The following AKIRIN1 variants were observed in gnomAD, a reference collection of about 807,000 sequenced individuals.
AKIRIN1 encodes the protein akirin 1, also known as akirin-1.
Under a neutral mutation model 25.9 loss-of-function variants are expected in AKIRIN1, and 4 were observed. That is an observed-to-expected ratio of 0.15 (90% CI 0.08 to 0.35). The LOEUF is 0.35. Among genes scored for constraint, AKIRIN1 ranks in the 10% least tolerant of loss-of-function variants. The pLI is 1.00. For synonymous variants in AKIRIN1, 125 were observed against 105.1 expected, an observed-to-expected ratio of 1.19 and a Z score of -1.16; for missense variants, 243 against 266.1, an observed-to-expected ratio of 0.91 and a Z score of 0.61.
At chr1:38,998,099 T>G in intron 1 of AKIRIN1, 72 bp from the exon 2 acceptor site, 1 of 1,496,294 alleles carries the variant, frequency 6.7e-7, no homozygotes, top group Admixed American at 1.9e-5. Context: ...CTTTGTCTCT[T>G]CCCACTTCTG....
chr1:38,991,712 T>G, intron 1 of AKIRIN1, 112 bp downstream of exon 1: 28 of 1,141,882 alleles, frequency 2.5e-5, no homozygotes, highest in East Asian at 3.3e-5. Flanking sequence ...ACCCCTTCTT[T>G]GCCTTGAGAA....
chr1:38,992,337 G>A (rs1045919839), intron 1 of AKIRIN1, among the ~76,000 whole-genome samples: 1 of 152,140 alleles, frequency 6.6e-6, no homozygotes, highest in Non-Finnish European at 1.5e-5. Context: ...AAGGACTGGC[G>A]TTACAGTAGA....
In AKIRIN1 at chr1:38,998,264, C is replaced by T. The variant is rs781305153; in HGVS notation, c.314C>T (p.Ser105Leu). 1.7e-5 allele frequency: 27 copies of T among 1,613,724 alleles called. No individual in the cohort carries two copies. Among genetic ancestry groups the T allele is most frequent in the Middle Eastern group, 1.6e-4 (1 of 6,084 alleles). Residue 105 changes from serine to leucine, a missense_variant, in exon 2 of 5, where the codon TCG (serine) becomes TTG (leucine). By Grantham distance (145) the Ser-to-Leu change is moderately radical. Coordinates refer to ENST00000432648, the MANE Select transcript of AKIRIN1 (RefSeq NM_024595.3). ...CTTAATCAGAGTGAAGCTTGTGCTT[C>T]GGAAAGTCAACCTCACTCCTCAGCA... ...VVLNQSEACA[S>L]ESQPHSSALT...
rs1644015210 is a variant in AKIRIN1, at chr1:39,004,108, A to G, written c.*53A>G. On this transcript the variant is annotated 3_prime_UTR_variant, in exon 5 of 5. Coordinates refer to ENST00000432648, the MANE Select transcript of AKIRIN1 (RefSeq NM_024595.3). Reference sequence around the variant, plus strand: ...TTTGACCTCAAGAGATGGCTGCTGTACACTTTTTGCAACTGGTTTGATGTC... The same window carrying G: ...TTTGACCTCAAGAGATGGCTGCTGTGCACTTTTTGCAACTGGTTTGATGTC... The G allele has an allele frequency of 2.3e-5, 37 of 1,583,338 alleles. No homozygotes were observed. The highest frequency in any genetic ancestry group is 3.0e-5 in the Non-Finnish European group (35 of 1,152,190).
At chr1:38,994,473 A>AT (rs1434144033) in intron 1 of AKIRIN1, among the ~76,000 whole-genome samples, 1 of 152,112 alleles carries the variant, frequency 6.6e-6, no homozygotes, top group East Asian at 1.9e-4. Flanking sequence ...GAGTCTGAGA[A>AT]TAACTTCTGA....
chr1:38,993,587 C>G lies in AKIRIN1; in HGVS notation c.220+1987C>G, dbSNP rs538793468. 2.5e-3 allele frequency among the ~76,000 whole-genome samples: 371 copies of G among 147,596 alleles called. 3 individuals carry two copies. Among genetic ancestry groups the G allele is most frequent in the Admixed American group, 5.1e-3 (75 of 14,634 alleles). On this transcript the variant is annotated intron_variant, in intron 1 of 4. Transcript: ENST00000432648. ...CAGAGGTTGCAGTGAGCGGAGATCACACCATTGCGCTCCAGCCTGGGCCAC... is the reference window on the plus strand; with the variant it reads ...CAGAGGTTGCAGTGAGCGGAGATCAGACCATTGCGCTCCAGCCTGGGCCAC...
At chr1:39,003,088 G>A (rs922307710) in intron 3 of AKIRIN1, among the ~76,000 whole-genome samples, 1 of 152,150 alleles carries the variant, frequency 6.6e-6, no homozygotes, top group African/African-American at 2.4e-5. Context: ...TTATGTCACG[G>A]GGGAGAGGTT....
chr1:38,996,793 T>C (rs544675487), intron 1 of AKIRIN1, among the ~76,000 whole-genome samples: 1 of 152,296 alleles, frequency 6.6e-6, no homozygotes, highest in South Asian at 2.1e-4. Context: ...CCTCCCAAAG[T>C]GCTGGGATTA....
chr1:39,000,949 A>C (rs984477753), intron 2 of AKIRIN1, 23 bp from the exon 3 acceptor site: 1 of 1,600,854 alleles, frequency 6.2e-7, no homozygotes. Flanking sequence ...ACCTGGCCCA[A>C]ACTCACTTTT....
At chr1:39,001,243 G>A in intron 3 of AKIRIN1, 137 bp downstream of exon 3, 1 of 1,002,242 alleles carries the variant, frequency 1.0e-6, no homozygotes, top group South Asian at 2.1e-5. Flanking sequence ...GTTACTCTTT[G>A]GTGATTGTAA....
intron 3 of AKIRIN1, 34 bp from the exon 4 acceptor site, chr1:39,003,313 T>C (rs775211930): frequency 6.3e-7 from 1 of 1,594,472 alleles, no homozygotes; most frequent in Non-Finnish European, 8.6e-7. Context: ...TGAGGGAGAG[T>C]TGCTGAGGAT....
At chr1:39,000,334 T>C (rs564982575) in intron 2 of AKIRIN1, among the ~76,000 whole-genome samples, 1 of 130,992 alleles carries the variant, frequency 7.6e-6, no homozygotes, top group Non-Finnish European at 1.7e-5. Context: ...GAGAACCTTT[T>C]TTTTCTTTTT....
intron 1 of AKIRIN1, among the ~76,000 whole-genome samples, chr1:38,993,864 A>C (rs1039275051): frequency 1.3e-5 from 2 of 152,036 alleles, no homozygotes; most frequent in African/African-American, 2.4e-5. Flanking sequence ...TGAGGTCGGG[A>C]GTTCAAGACC....
chr1:38,998,437 A>T lies in AKIRIN1; in HGVS notation c.361+126A>T, dbSNP rs183243859. On this transcript the variant is annotated intron_variant, in intron 2 of 4. Transcript: ENST00000432648. ...AACGGGGATGTATTAATATTTACAG[A>T]TATTTTTAAAACTATACAGTCATGA... is the stretch of plus-strand genomic sequence containing the variant. The T allele has an allele frequency of 8.4e-5, 94 of 1,118,904 alleles. No homozygotes were observed. The Middle Eastern group carries it at 1.7e-3, about 20-fold the overall frequency. The allele number at this position is 1,118,904 out of a possible 1,614,324, so 69.3% of individuals were successfully genotyped here.
At position 39,004,524 on chromosome 1, in the gene AKIRIN1, C is replaced by A; in HGVS notation, c.*469C>A. ...TATGGTAAAAAAACATTTGCTTGGTCTAAAGAAGATCATTAATGTTTTGTG... is the reference window on the plus strand; with the variant it reads ...TATGGTAAAAAAACATTTGCTTGGTATAAAGAAGATCATTAATGTTTTGTG... On this transcript the variant is annotated 3_prime_UTR_variant, in exon 5 of 5. Coordinates refer to ENST00000432648, the MANE Select transcript of AKIRIN1 (RefSeq NM_024595.3). The A allele has an allele frequency of 3.9e-6, 1 of 256,358 alleles. No individual in the cohort carries two copies. The highest frequency in any genetic ancestry group is 7.7e-6 in the Non-Finnish European group (1 of 129,638). 15.9% of individuals were successfully genotyped at this position (256,358 alleles called of 1,614,324 possible).
Position 39,004,146 on chromosome 1 carries a change from C to A in AKIRIN1, c.*91C>A. On this transcript the variant is annotated 3_prime_UTR_variant, in exon 5 of 5. Coordinates refer to ENST00000432648, the MANE Select transcript of AKIRIN1 (RefSeq NM_024595.3). ...CTGGTTTGATGTCACATTTCAGCTC[C>A]AACTTTGCATCCTGAGAACACTTAA... 2 of 1,384,536 alleles carry A rather than the reference C, an allele frequency of 1.4e-6. No homozygotes were observed. Among genetic ancestry groups the A allele is most frequent in the Non-Finnish European group, 2.1e-6 (2 of 971,190 alleles). 85.8% of individuals were successfully genotyped at this position (1,384,536 alleles called of 1,614,324 possible).
At chr1:39,003,210 T>G in intron 3 of AKIRIN1, 137 bp from the exon 4 acceptor site, 1 of 782,370 alleles carries the variant, frequency 1.3e-6, no homozygotes, top group South Asian at 1.6e-5. Flanking sequence ...GTCACTGGAC[T>G]TTAATACAAG....
chr1:39,003,899 C>T, intron 4 of AKIRIN1, 146 bp from the exon 5 acceptor site: 1 of 685,030 alleles, frequency 1.5e-6, no homozygotes, highest in Non-Finnish European at 2.5e-6. Context: ...AGTCAGGTTC[C>T]TTAAATTCTT....
In AKIRIN1 at chr1:39,003,332, A is replaced by T; in HGVS notation, c.497-15A>T. 1 of 1,611,184 alleles carries T rather than the reference A, an allele frequency of 6.2e-7. No individual in the cohort carries two copies. Among genetic ancestry groups the T allele is most frequent in the East Asian group, 2.2e-5 (1 of 44,834 alleles). ...GGAGAGTTGCTGAGGATAAGTATGTACTGTCTTCTCACAGAACAATATGAA... is the reference window on the plus strand; with the variant it reads ...GGAGAGTTGCTGAGGATAAGTATGTTCTGTCTTCTCACAGAACAATATGAA... On this transcript the variant is annotated splice_polypyrimidine_tract_variant and intron_variant, in intron 3 of 4. Coordinates refer to ENST00000432648, the MANE Select transcript of AKIRIN1 (RefSeq NM_024595.3).
Sources: gnomAD v4.1 joint callset for allele counts (sites outside exome capture counted in the v4.1 genomes callset) on GRCh38, gnomAD v4.1.1 for gene constraint, MANE v1.5 for transcripts, NCBI Gene and HGNC (gene_info 2026-07-23, HGNC 2026-07-21) for gene names.